The following JARID2 variants were observed in gnomAD, a reference collection of about 807,000 sequenced individuals.
JARID2 encodes jumonji and AT-rich interaction domain containing 2, also known as protein Jumonji.
In JARID2, 21 loss-of-function variants were observed where a neutral mutation model predicts 125.6. The observed-to-expected ratio is 0.17, with a 90% CI of 0.12 to 0.24. The LOEUF (loss-of-function observed/expected upper bound fraction) is 0.24. JARID2 is among the 10% of genes least tolerant of loss of function. The pLI is 1.00. For missense variants in JARID2, 1,303 were observed against 1,639.6 expected (o/e 0.79, Z 3.55); for synonymous variants, 736 against 661.6 (o/e 1.11, Z -1.73).
intron 3 of JARID2, among the ~76,000 whole-genome samples, chr6:15,446,211 A>T (rs35918625): frequency 6.6e-6 from 1 of 152,142 alleles, no homozygotes; most frequent in South Asian, 2.1e-4. Context: ...CCTTTCCAGC[A>T]TCTATGGAGG....
At chr6:15,485,584 T>A (rs1769827435) in intron 5 of JARID2, among the ~76,000 whole-genome samples, 2 of 152,310 alleles carry the variant, frequency 1.3e-5, no homozygotes, top group South Asian at 4.1e-4. Flanking sequence ...TTAGCTTGAT[T>A]AATCACTTTA....
At chr6:15,266,591 A>C (rs1219885146) in intron 1 of JARID2, among the ~76,000 whole-genome samples, 1 of 152,194 alleles carries the variant, frequency 6.6e-6, no homozygotes, top group Non-Finnish European at 1.5e-5. Context: ...TGTTTGTAGT[A>C]TATTTTGAGT....
chr6:15,269,347 A>G (rs538115554), intron 1 of JARID2, among the ~76,000 whole-genome samples: 2 of 152,092 alleles, frequency 1.3e-5, no homozygotes, highest in South Asian at 2.1e-4. Flanking sequence ...TTTCAATAGT[A>G]TTTGAACCTT....
At chr6:15,511,206 C>T (rs1305385306) in intron 12 of JARID2, 90 bp from the exon 13 acceptor site, 29 of 856,340 alleles carry the variant, frequency 3.4e-5, no homozygotes, top group African/African-American at 1.7e-4. Context: ...CTCGTGTGCT[C>T]GGGTCCCTGA....
intron 1 of JARID2, among the ~76,000 whole-genome samples, chr6:15,373,411 C>A (rs1195799580): frequency 1.3e-5 from 2 of 152,138 alleles, no homozygotes; most frequent in African/African-American, 4.8e-5. Flanking sequence ...TTCTTAAGAA[C>A]TTGTATTCGT....
intron 3 of JARID2, among the ~76,000 whole-genome samples, chr6:15,445,447 G>A (rs905365981): frequency 9.2e-5 from 14 of 152,114 alleles, no homozygotes; most frequent in African/African-American, 2.9e-4. Context: ...ATTTTTAAGC[G>A]GTGATACCTA....
chr6:15,259,938 AGTT>A (rs72098212), intron 1 of JARID2, among the ~76,000 whole-genome samples: 3,243 of 152,242 alleles, frequency 0.021, 65 homozygotes, highest in Non-Finnish European at 0.026. Flanking sequence ...ACAGCAGAGT[AGTT>A]GTTCATTCAT....
chr6:15,404,555 ACACACACAC>A (rs1370582849), intron 2 of JARID2, among the ~76,000 whole-genome samples: 1 of 150,940 alleles, frequency 6.6e-6, no homozygotes, highest in Non-Finnish European at 1.5e-5. Flanking sequence ...ACACACACAC[ACACACACAC>A]ACACACACAG....
chr6:15,499,680 TTG>T (rs1561907877), intron 7 of JARID2, among the ~76,000 whole-genome samples: 1 of 152,014 alleles, frequency 6.6e-6, no homozygotes, highest in Non-Finnish European at 1.5e-5. Context: ...GACCTGGAGT[TTG>T]TTGTGGAGTC....
chr6:15,334,644 C>CAGGT (rs1048039387), intron 1 of JARID2, among the ~76,000 whole-genome samples: 1 of 152,136 alleles, frequency 6.6e-6, no homozygotes, highest in African/African-American at 2.4e-5. Context: ...TGGGCCAAGT[C>CAGGT]AGGTACAGGC....
intron 5 of JARID2, among the ~76,000 whole-genome samples, chr6:15,487,020 G>T (rs536336305): frequency 1.3e-5 from 2 of 152,166 alleles, no homozygotes; most frequent in African/African-American, 4.8e-5. Context: ...TGTGGAAGTC[G>T]AAGGGGAAGC....
Position 15,520,289 on chromosome 6 carries a change from T to C in JARID2, c.*38T>C. On this transcript the variant is annotated 3_prime_UTR_variant, in exon 18 of 18. Transcript: ENST00000341776. ...CCGTGGTCGATTTATATATATTTTT[T>C]TGTAATTATTATATTCTAGTTTGGA... 2.0e-6 allele frequency: 3 copies of C among 1,472,652 alleles called. No homozygotes were observed. The highest frequency in any genetic ancestry group is 2.7e-6 in the Non-Finnish European group (3 of 1,101,342). The allele number at this position is 1,472,652 out of a possible 1,614,324, so 91.2% of individuals were successfully genotyped here. A position where few individuals can be genotyped will look rare whatever the true frequency, so the allele number is the denominator to read the frequency against.
intron 2 of JARID2, among the ~76,000 whole-genome samples, chr6:15,397,269 A>G (rs1012505564): frequency 7.2e-5 from 11 of 152,206 alleles, no homozygotes; most frequent in Non-Finnish European, 1.0e-4. Context: ...GATATGGTCA[A>G]TACTACGTAA....
intron 1 of JARID2, among the ~76,000 whole-genome samples, chr6:15,365,136 C>T (rs1042355563): frequency 6.6e-6 from 1 of 152,160 alleles, no homozygotes; most frequent in Non-Finnish European, 1.5e-5. Flanking sequence ...TATATAGTTG[C>T]ACACTGGCAT....
chr6:15,359,879 A>C (rs1041525948), intron 1 of JARID2, among the ~76,000 whole-genome samples: 1 of 151,880 alleles, frequency 6.6e-6, no homozygotes, highest in African/African-American at 2.4e-5. Flanking sequence ...TAGAGATGGC[A>C]TTTCACTGTC....
intron 1 of JARID2, among the ~76,000 whole-genome samples, chr6:15,306,316 A>G (rs1236452561): frequency 2.7e-5 from 4 of 149,746 alleles, no homozygotes; most frequent in East Asian, 3.9e-4. Context: ...CATTAACAAC[A>G]TAGTCATATT....
At position 15,418,243 on chromosome 6, in the gene JARID2, C is replaced by G. The variant is rs553681241; in HGVS notation, c.323+7878C>G. 5.6e-5 allele frequency among the ~76,000 whole-genome samples: 7 copies of G among 124,422 alleles called. No individual in the cohort carries two copies. The South Asian group carries it at 1.8e-3, about 32-fold the overall frequency. 81.6% of individuals were successfully genotyped at this position (124,422 alleles called of 152,430 possible). On this transcript the variant is annotated intron_variant, in intron 3 of 17. Coordinates refer to ENST00000341776, the MANE Select transcript of JARID2 (RefSeq NM_004973.4). ...TTTTTTTTTTTTTTTTTTGGTAAGA[C>G]AGTCTTGCTCTGTCGCCAGGCTGGA...
chr6:15,357,643 C>A (rs771706411), intron 1 of JARID2, among the ~76,000 whole-genome samples: 5 of 151,856 alleles, frequency 3.3e-5, no homozygotes, highest in Non-Finnish European at 7.4e-5. Flanking sequence ...TCGAGAAATT[C>A]TGTATCAAAT....
intron 3 of JARID2, among the ~76,000 whole-genome samples, chr6:15,448,000 A>G (rs186690313): frequency 1.5e-4 from 23 of 152,352 alleles, no homozygotes; most frequent in Middle Eastern, 3.4e-3. Context: ...TGGCTGTGCC[A>G]TTCAAGCTCT....
Sources: gnomAD v4.1 joint callset for allele counts (sites outside exome capture counted in the v4.1 genomes callset) on GRCh38, gnomAD v4.1.1 for gene constraint, MANE v1.5 for transcripts, NCBI Gene and HGNC (gene_info 2026-07-23, HGNC 2026-07-21) for gene names.